The following CYRIA variants were observed in gnomAD, a reference collection of about 807,000 sequenced individuals.
The protein encoded by CYRIA is CYFIP related Rac1 interactor A, also known as CYFIP-related Rac1 interactor A.
In CYRIA, 15 loss-of-function variants were observed where a neutral mutation model predicts 43.9. The observed-to-expected ratio is 0.34, with a 90% CI of 0.23 to 0.53. CYRIA has a LOEUF of 0.53. CYRIA is among the 20% of genes least tolerant of loss of function. CYRIA has a pLI of 0.94. For missense variants in CYRIA, 236 were observed against 394.2 expected, an observed-to-expected ratio of 0.60 and a Z score of 3.40; for synonymous variants, 117 against 136.0, an observed-to-expected ratio of 0.86 and a Z score of 0.97.
chr2:16,655,013 T>C (rs1007100434), intron 1 of CYRIA, among the ~76,000 whole-genome samples: 7 of 152,192 alleles, frequency 4.6e-5, no homozygotes, highest in South Asian at 2.1e-4. Context: ...CCTATGACCT[T>C]ACTAGCAGGT....
At chr2:16,612,277 A>G (rs1164771473) in intron 2 of CYRIA, among the ~76,000 whole-genome samples, 2 of 152,118 alleles carry the variant, frequency 1.3e-5, no homozygotes, top group Non-Finnish European at 2.9e-5. Context: ...CTTAGAAAGA[A>G]AGAGGGAAGG....
intron 1 of CYRIA, among the ~76,000 whole-genome samples, chr2:16,637,880 T>C (rs1669551886): frequency 6.6e-6 from 1 of 152,224 alleles, no homozygotes; most frequent in South Asian, 2.1e-4. Flanking sequence ...AGCCAGTCAA[T>C]GGCAGAAGGG....
At chr2:16,558,618 C>T (rs1666612808) in intron 10 of CYRIA, among the ~76,000 whole-genome samples, 1 of 152,156 alleles carries the variant, frequency 6.6e-6, no homozygotes, top group African/African-American at 2.4e-5. Flanking sequence ...ATGCCACAAT[C>T]AACAGCAAAG....
chr2:16,582,794 CT>C (rs1217584642), intron 3 of CYRIA, among the ~76,000 whole-genome samples: 1 of 152,156 alleles, frequency 6.6e-6, no homozygotes, highest in Non-Finnish European at 1.5e-5. Flanking sequence ...CACTTTTCAG[CT>C]ATTATAAATA....
intron 3 of CYRIA, among the ~76,000 whole-genome samples, chr2:16,573,044 T>C (rs1473685725): frequency 6.6e-6 from 1 of 152,204 alleles, no homozygotes; most frequent in Non-Finnish European, 1.5e-5. Flanking sequence ...CCAGGCCCCC[T>C]GACACACTAA....
At chr2:16,561,432 G>A (rs368729103) in intron 7 of CYRIA, 24 bp downstream of exon 7, 290 of 1,609,846 alleles carry the variant, frequency 1.8e-4, no homozygotes, top group Non-Finnish European at 2.3e-4. Flanking sequence ...AGGGTGCAAA[G>A]GTCAAGGCGA....
Position 16,551,872 on chromosome 2 carries a change from C to T in CYRIA, c.*1064G>A, listed in dbSNP as rs1666327188. On this transcript the variant is annotated 3_prime_UTR_variant, in exon 12 of 12. Transcript: ENST00000381323. ...AGGCCAGGAGTAAATTCAGGTGCAC[C>T]AGGGCTTTTATATTGCAACAAGCTA... The T allele has an allele frequency of 1.3e-5, 2 of 152,000 alleles. No individual in the cohort carries two copies. The highest frequency in any genetic ancestry group is 2.1e-4 in the South Asian group (1 of 4,820). The allele number at this position is 152,000 out of a possible 1,614,324, so 9.4% of individuals were successfully genotyped here.
intron 4 of CYRIA, 51 bp from the exon 5 acceptor site, chr2:16,564,145 C>T (rs766699701): frequency 3.6e-6 from 5 of 1,380,088 alleles, no homozygotes; most frequent in East Asian, 4.6e-5. Context: ...GTAAGCTCCA[C>T]ATCAAAATGC....
chr2:16,618,230 G>T (rs1380774441), intron 2 of CYRIA, among the ~76,000 whole-genome samples: 1 of 152,172 alleles, frequency 6.6e-6, no homozygotes, highest in Non-Finnish European at 1.5e-5. Context: ...AGAGGATGCT[G>T]CCTCTAAAAA....
intron 2 of CYRIA, among the ~76,000 whole-genome samples, chr2:16,602,419 T>C (rs1400445544): frequency 1.3e-5 from 2 of 152,146 alleles, no homozygotes; most frequent in African/African-American, 4.8e-5. Flanking sequence ...AATACACCAA[T>C]AACATATATT....
In CYRIA at chr2:16,588,680, G is replaced by C. The variant is rs560702039; in HGVS notation, c.-10-551C>G. On this transcript the variant is annotated intron_variant, in intron 2 of 11. Transcript: ENST00000381323. ...AAAAAGTAAGTTCCTGAAAGCTCAC[G>C]AGGAATAGAGTTTAGAAAACATATA... is the stretch of plus-strand genomic sequence containing the variant. Among the ~76,000 whole-genome samples the C allele has an allele frequency of 2.4e-4, 37 of 152,206 alleles. No individual in the cohort carries two copies. In the South Asian group the frequency reaches 7.5e-3, roughly 31 times the overall value.
intron 5 of CYRIA, 89 bp from the exon 6 acceptor site, chr2:16,562,230 C>T (rs540232879): frequency 6.6e-6 from 9 of 1,369,590 alleles, no homozygotes; most frequent in South Asian, 2.8e-5. Flanking sequence ...TTGACAATCT[C>T]GGAGATCACC....
At chr2:16,615,690 C>A (rs915680001) in intron 2 of CYRIA, among the ~76,000 whole-genome samples, 2 of 152,216 alleles carry the variant, frequency 1.3e-5, no homozygotes, top group Non-Finnish European at 2.9e-5. Context: ...GTTCAACTCT[C>A]CACAAAAATA....
chr2:16,610,897 CATATATATATATATATATATATATAT>C (rs60848949), intron 2 of CYRIA, among the ~76,000 whole-genome samples: 19 of 92,524 alleles, frequency 2.1e-4, no homozygotes, highest in South Asian at 7.2e-4. Context: ...TTAGTCCCAA[CATATATATATATATATATATATATAT>C]ATATATATAT....
intron 1 of CYRIA, among the ~76,000 whole-genome samples, chr2:16,646,225 A>T (rs1274928966): frequency 6.6e-6 from 1 of 152,200 alleles, no homozygotes; most frequent in Non-Finnish European, 1.5e-5. Context: ...TAGAATCAAG[A>T]TGTCTAGAGT....
intron 2 of CYRIA, among the ~76,000 whole-genome samples, chr2:16,607,614 G>A (rs558399961): frequency 1.1e-4 from 17 of 152,084 alleles, no homozygotes; most frequent in African/African-American, 2.9e-4. Context: ...TTTTTAGATG[G>A]AGTCTGCTCT....
At chr2:16,559,637 G>A (rs376318400) in intron 9 of CYRIA, 51 bp from the exon 10 acceptor site, 15 of 1,588,082 alleles carry the variant, frequency 9.4e-6, no homozygotes, top group South Asian at 4.6e-5. Context: ...GAACATGTGC[G>A]TTCTTTGGCC....
intron 2 of CYRIA, among the ~76,000 whole-genome samples, chr2:16,603,528 C>T (rs1302032764): frequency 2.0e-5 from 3 of 152,120 alleles, no homozygotes; most frequent in African/African-American, 7.2e-5. Flanking sequence ...AAGATCAGGA[C>T]CCTTGGAAGG....
At chr2:16,561,307 T>G (rs1245921844) in intron 7 of CYRIA, 30 bp from the exon 8 acceptor site, 1 of 1,560,118 alleles carries the variant, frequency 6.4e-7, no homozygotes, top group Non-Finnish European at 8.8e-7. Context: ...AAGATGGATT[T>G]ATAAAGAGAA....
Sources: gnomAD v4.1 joint callset for allele counts (sites outside exome capture counted in the v4.1 genomes callset) on GRCh38, gnomAD v4.1.1 for gene constraint, MANE v1.5 for transcripts, NCBI Gene and HGNC (gene_info 2026-07-23, HGNC 2026-07-21) for gene names.